The following DAB1 variants were observed in gnomAD, a reference collection of about 807,000 sequenced individuals.
The protein encoded by DAB1 is disabled homolog 1.
Under a neutral mutation model 64.6 loss-of-function variants are expected in DAB1, and 15 were observed. That is an observed-to-expected ratio of 0.23 (90% confidence interval 0.16 to 0.36). The LOEUF (loss-of-function observed/expected upper bound fraction) is 0.36, where lower values mean the gene tolerates loss of function less well. Ranked by LOEUF, DAB1 falls within the 10% of genes least tolerant of loss-of-function variation. DAB1 has a pLI of 1.00. For missense variants in DAB1, 596 were observed against 706.7 expected (o/e 0.84, Z 1.78); for synonymous variants, 235 against 251.9 (o/e 0.93, Z 0.64).
chr1:57,409,111 C>CTG (rs1683892725), intron 1 of DAB1, among the ~76,000 whole-genome samples: 2 of 152,300 alleles, frequency 1.3e-5, no homozygotes, highest in Admixed American at 1.3e-4. Context: ...AGCCCAACTC[C>CTG]TGGCCTTTTT....
intron 6 of DAB1, among the ~76,000 whole-genome samples, chr1:57,704,596 TA>T (rs1301365359): frequency 6.6e-6 from 1 of 152,160 alleles, no homozygotes; most frequent in African/African-American, 2.4e-5. Flanking sequence ...TTCAAGACAT[TA>T]TTAACTATTT....
Position 58,128,852 on chromosome 1 carries a change from G to C in DAB1, n.387+21659C>G, listed in dbSNP as rs966462903. On this transcript the variant is annotated intron_variant and non_coding_transcript_variant, in intron 5 of 20. Transcript: ENST00000485760. ...AGCTTTTTGATGTGCTGCTGGATTT[G>C]TTTTGCTAGTATTTTATTGAGGATT... Among the ~76,000 whole-genome samples, 394 of 150,208 alleles carry C rather than the reference G, an allele frequency of 2.6e-3. 2 individuals carry two copies. The highest frequency in any genetic ancestry group is 4.3e-3 in the Non-Finnish European group (293 of 67,712).
At position 57,653,644 on chromosome 1, in the gene DAB1, G is replaced by A. The variant is rs568914180; in HGVS notation, n.552-3979C>T. On this transcript the variant is annotated intron_variant and non_coding_transcript_variant, in intron 6 of 20. Transcript: ENST00000485760. ...TATTTTTTTTTTGAGATGGAGTCTC[G>A]CTCTGCCACCCAGGCTGCAGTGAAG... 1.1e-4 allele frequency among the ~76,000 whole-genome samples: 17 copies of A among 151,774 alleles called. No homozygotes were observed. The East Asian group carries it at 1.6e-3, about 14-fold the overall frequency.
At chr1:57,646,147 A>G (rs1243459335) in intron 7 of DAB1, among the ~76,000 whole-genome samples, 1 of 152,248 alleles carries the variant, frequency 6.6e-6, no homozygotes, top group African/African-American at 2.4e-5. Context: ...AGATGAATAT[A>G]AAGATGGACA....
rs149476978 is a variant in DAB1, at chr1:57,376,225, G to A, written c.-137+47705C>T. Among the ~76,000 whole-genome samples the A allele has an allele frequency of 1.0e-3, 153 of 152,260 alleles. 1 individual carries two copies. The East Asian group carries it at 0.025, about 25-fold the overall frequency. ...GCATTTTTGAGACATGCAGCCTCTA[G>A]TTAAACCCTTTCCACTCCCAGTCCC... is the stretch of plus-strand genomic sequence containing the variant. On this transcript the variant is annotated intron_variant, in intron 1 of 14. Coordinates refer to ENST00000371236, the MANE Select transcript of DAB1 (RefSeq NM_001365792.1).
At chr1:57,129,494 T>C (rs1391101401) in intron 4 of DAB1, among the ~76,000 whole-genome samples, 1 of 151,866 alleles carries the variant, frequency 6.6e-6, no homozygotes, top group East Asian at 1.9e-4. Context: ...ACAAAGAGTA[T>C]GGGGGTGGTC....
chr1:57,395,128 G>A (rs1417414701), intron 1 of DAB1, among the ~76,000 whole-genome samples: 28 of 152,124 alleles, frequency 1.8e-4, no homozygotes, highest in Non-Finnish European at 5.9e-5. Context: ...GGTTTCAGGC[G>A]ATTCTCATGC....
chr1:57,633,536 G>A (rs527308797), intron 7 of DAB1, among the ~76,000 whole-genome samples: 2 of 152,198 alleles, frequency 1.3e-5, no homozygotes, highest in African/African-American at 2.4e-5. Context: ...AATAAGCTTT[G>A]TGCTGGGAAG....
intron 4 of DAB1, among the ~76,000 whole-genome samples, chr1:58,208,113 A>G (rs546793495): frequency 1.3e-5 from 2 of 152,230 alleles, no homozygotes; most frequent in East Asian, 3.9e-4. Context: ...CATAGAGGTA[A>G]CTGCCCCCAT....
rs200564452 is a variant in DAB1, at chr1:57,980,914, C to T, written n.388-96752G>A. 5.4e-3 allele frequency among the ~76,000 whole-genome samples: 744 copies of T among 138,108 alleles called. 5 individuals are homozygous for T. The highest frequency in any genetic ancestry group is 0.019 in the African/African-American group (640 of 34,492). 90.6% of individuals were successfully genotyped at this position (138,108 alleles called of 152,430 possible). On this transcript the variant is annotated intron_variant and non_coding_transcript_variant, in intron 5 of 20. Transcript: ENST00000485760. ...ACATGTATATATGTATATATATATACACACACACACACACACATAGATATA... is the reference window on the plus strand; with the variant it reads ...ACATGTATATATGTATATATATATATACACACACACACACACATAGATATA...
intron 7 of DAB1, among the ~76,000 whole-genome samples, chr1:57,453,629 A>T (rs1478636797): frequency 6.6e-6 from 1 of 152,194 alleles, no homozygotes; most frequent in Non-Finnish European, 1.5e-5. Flanking sequence ...AATATAACAA[A>T]AAAATAGGAT....
At chr1:57,247,159 A>T (rs1313359912) in intron 2 of DAB1, among the ~76,000 whole-genome samples, 1 of 152,158 alleles carries the variant, frequency 6.6e-6, no homozygotes, top group Non-Finnish European at 1.5e-5. Context: ...GGGCAAAATT[A>T]TATAGTCTGG....
chr1:57,722,728 G>A (rs975507909), intron 6 of DAB1, among the ~76,000 whole-genome samples: 1 of 152,190 alleles, frequency 6.6e-6, no homozygotes, highest in African/African-American at 2.4e-5. Flanking sequence ...CGTGACTGAT[G>A]GGCAAGAAAG....
intron 7 of DAB1, among the ~76,000 whole-genome samples, chr1:57,538,141 C>G (rs1355595858): frequency 6.6e-6 from 1 of 152,166 alleles, no homozygotes; most frequent in Admixed American, 6.5e-5. Flanking sequence ...CCAACCATAG[C>G]AAGTGACCTA....
intron 2 of DAB1, among the ~76,000 whole-genome samples, chr1:58,508,758 A>T (rs1036185778): frequency 6.6e-6 from 1 of 152,116 alleles, no homozygotes; most frequent in Non-Finnish European, 1.5e-5. Context: ...GAACAAGCAC[A>T]CAAGCAGTTG....
At chr1:57,593,768 A>T (rs534773276) in intron 7 of DAB1, among the ~76,000 whole-genome samples, 1 of 152,284 alleles carries the variant, frequency 6.6e-6, no homozygotes, top group East Asian at 1.9e-4. Context: ...GCTTTACTTT[A>T]CTTCTGTAAG....
chr1:57,677,035 G>T (rs1362519140), intron 6 of DAB1, among the ~76,000 whole-genome samples: 1 of 152,140 alleles, frequency 6.6e-6, no homozygotes, highest in Non-Finnish European at 1.5e-5. Flanking sequence ...GTTAAGTGAG[G>T]TCATAAGGGT....
intron 1 of DAB1, among the ~76,000 whole-genome samples, chr1:57,414,697 G>C (rs1451091708): frequency 1.3e-5 from 2 of 152,044 alleles, no homozygotes; most frequent in African/African-American, 2.4e-5. Context: ...AGAAATACAG[G>C]TAGCATATGA....
intron 4 of DAB1, among the ~76,000 whole-genome samples, chr1:58,236,052 G>T (rs1660015684): frequency 6.6e-6 from 1 of 152,124 alleles, no homozygotes; most frequent in African/African-American, 2.4e-5. Context: ...AAAGACGAGA[G>T]CAAGGCTTCA....
Sources: gnomAD v4.1 joint callset for allele counts (sites outside exome capture counted in the v4.1 genomes callset) on GRCh38, gnomAD v4.1.1 for gene constraint, MANE v1.5 for transcripts, NCBI Gene and HGNC (gene_info 2026-07-23, HGNC 2026-07-21) for gene names.